Variants in MGAT4C observed in about 807,000 individuals in gnomAD.
MGAT4C encodes the protein MGAT4 family member C.
Under a neutral mutation model 40.1 loss-of-function variants are expected in MGAT4C, and 19 were observed. The ratio of observed to expected loss-of-function variants is 0.47; its 90% CI spans 0.33 to 0.70. The LOEUF is 0.70. Ranked by LOEUF, MGAT4C falls within the 30% of genes least tolerant of loss-of-function variation. The pLI is 0.02. For synonymous variants in MGAT4C, 181 were observed against 187.1 expected (o/e 0.97, Z 0.27); for missense variants, 491 against 563.2 (o/e 0.87, Z 1.30).
intron 1 of MGAT4C, among the ~76,000 whole-genome samples, chr12:86,778,317 TAAAG>T (rs1318441833): frequency 4.6e-5 from 7 of 152,114 alleles, no homozygotes; most frequent in Non-Finnish European, 1.0e-4. Context: ...GCTGCGTAAA[TAAAG>T]AGAAGATGTA....
chr12:86,014,548 G>A (rs10863146), intron 2 of MGAT4C, among the ~76,000 whole-genome samples: 3 of 151,872 alleles, frequency 2.0e-5, no homozygotes, highest in Non-Finnish European at 4.4e-5. Flanking sequence ...TAGTGTGAAC[G>A]TCAGCCAGCC....
chr12:86,134,934 A>G (rs1881734301), intron 1 of MGAT4C, among the ~76,000 whole-genome samples: 1 of 152,162 alleles, frequency 6.6e-6, no homozygotes, highest in Non-Finnish European at 1.5e-5. Flanking sequence ...TTTCTTACAT[A>G]TGAGGTATTA....
At chr12:86,236,928 G>T (rs749219850) in intron 1 of MGAT4C, among the ~76,000 whole-genome samples, 7 of 151,454 alleles carry the variant, frequency 4.6e-5, no homozygotes, top group African/African-American at 1.5e-4. Flanking sequence ...CCTGGTAAAG[G>T]CTTTATCTTG....
At chr12:86,038,736 T>A (rs1891496526) in intron 2 of MGAT4C, among the ~76,000 whole-genome samples, 1 of 149,834 alleles carries the variant, frequency 6.7e-6, no homozygotes, top group African/African-American at 2.4e-5. Context: ...CATTTACATT[T>A]AAGGTTAATA....
chr12:85,980,083 T>C lies in MGAT4C; in HGVS notation c.643A>G (p.Asn215Asp). The C allele has an allele frequency of 6.2e-7, 1 of 1,613,826 alleles. No homozygotes were observed. The highest frequency in any genetic ancestry group is 8.5e-7 in the Non-Finnish European group (1 of 1,179,840). The change falls in exon 5 of 5, where the codon AAT becomes GAT. Residue 215 changes from asparagine (N) to aspartate (D), a missense_variant. Coordinates refer to ENST00000611864, the MANE Select transcript of MGAT4C (RefSeq NM_001351288.2). ...AGCATTACATAATAGTCTGAAGTATTGGCACAAAAATTAAGCAGAAAAGCA... is the reference window on the plus strand; with the variant it reads ...AGCATTACATAATAGTCTGAAGTATCGGCACAAAAATTAAGCAGAAAAGCA... ...DYAFLLNFCANTSDYYVMLED... is the reference protein window; with the variant it reads ...DYAFLLNFCADTSDYYVMLED...
chr12:86,630,718 A>C (rs1215963732), intron 2 of MGAT4C, among the ~76,000 whole-genome samples: 2 of 151,994 alleles, frequency 1.3e-5, no homozygotes, highest in African/African-American at 4.8e-5. Context: ...CATGCTAAAA[A>C]CTCTCAATAA....
chr12:86,608,228 G>T (rs1267561050), intron 2 of MGAT4C, among the ~76,000 whole-genome samples: 2 of 151,936 alleles, frequency 1.3e-5, no homozygotes, highest in Non-Finnish European at 2.9e-5. Flanking sequence ...GCTCAAAATA[G>T]ATGTATCACA....
chr12:86,189,504 C>G (rs1445180404), intron 1 of MGAT4C, among the ~76,000 whole-genome samples: 4 of 151,818 alleles, frequency 2.6e-5, no homozygotes, highest in African/African-American at 9.7e-5. Flanking sequence ...TTGAATGACA[C>G]TGAAGAACAT....
At chr12:86,278,007 T>C (rs939111675) in intron 4 of MGAT4C, among the ~76,000 whole-genome samples, 1 of 152,148 alleles carries the variant, frequency 6.6e-6, no homozygotes, top group African/African-American at 2.4e-5. Flanking sequence ...TTTAACAATA[T>C]TCTTACAATC....
intron 3 of MGAT4C, among the ~76,000 whole-genome samples, chr12:86,371,188 C>A (rs1054193973): frequency 6.6e-6 from 1 of 151,978 alleles, no homozygotes; most frequent in Non-Finnish European, 1.5e-5. Context: ...TCATTCCCAG[C>A]ATCCTATATC....
chr12:86,813,050 A>G (rs562037129), intron 1 of MGAT4C, among the ~76,000 whole-genome samples: 307 of 152,210 alleles, frequency 2.0e-3, no homozygotes, highest in African/African-American at 6.6e-3. Flanking sequence ...TATATGCAAG[A>G]CATATACTGC....
intron 2 of MGAT4C, among the ~76,000 whole-genome samples, chr12:86,545,637 CAG>C (rs1959189224): frequency 6.6e-6 from 1 of 151,688 alleles, no homozygotes; most frequent in African/African-American, 2.4e-5. Flanking sequence ...ATTTTAGAAA[CAG>C]TGTGCTTTTT....
chr12:86,715,339 C>T (rs944701411), intron 2 of MGAT4C, among the ~76,000 whole-genome samples: 12 of 151,990 alleles, frequency 7.9e-5, no homozygotes, highest in African/African-American at 2.9e-4. Flanking sequence ...AAAGTAGAAG[C>T]TATTCTTGGA....
intron 1 of MGAT4C, among the ~76,000 whole-genome samples, chr12:86,764,933 A>C (rs570103437): frequency 6.6e-6 from 1 of 152,126 alleles, no homozygotes. Flanking sequence ...GAGCAGAAAA[A>C]CTGGAAACTC....
At chr12:86,438,905 A>G (rs960796867) in intron 2 of MGAT4C, among the ~76,000 whole-genome samples, 2 of 151,972 alleles carry the variant, frequency 1.3e-5, no homozygotes, top group Non-Finnish European at 2.9e-5. Flanking sequence ...ATATAATGAT[A>G]AAAGGATAAT....
At chr12:86,175,319 A>G (rs1887279096) in intron 1 of MGAT4C, among the ~76,000 whole-genome samples, 1 of 152,188 alleles carries the variant, frequency 6.6e-6, no homozygotes, top group African/African-American at 2.4e-5. Flanking sequence ...CTAGAAATCA[A>G]TTAAAATTCC....
At chr12:86,016,259 T>G (rs1030081482) in intron 2 of MGAT4C, 6 of 152,176 alleles carry the variant, frequency 3.9e-5, no homozygotes, top group African/African-American at 1.4e-4. Context: ...TGCCATCAAG[T>G]TTTGTCACAA....
intron 2 of MGAT4C, among the ~76,000 whole-genome samples, chr12:86,516,722 G>C (rs548548844): frequency 1.1e-4 from 16 of 152,162 alleles, no homozygotes; most frequent in African/African-American, 3.9e-4. Flanking sequence ...TCCTGTATCT[G>C]TTAAAAGACT....
At chr12:86,274,389 T>A (rs1953019966) in intron 4 of MGAT4C, among the ~76,000 whole-genome samples, 1 of 152,018 alleles carries the variant, frequency 6.6e-6, no homozygotes. Context: ...TATTTAACTA[T>A]ATATATAGTA....
Sources: allele counts gnomAD v4.1 joint callset (sites outside exome capture counted in the v4.1 genomes callset), GRCh38; gene constraint gnomAD v4.1.1; transcripts MANE v1.5; gene names NCBI Gene and HGNC (gene_info 2026-07-23, HGNC 2026-07-21).